Variants in SLC44A5 observed in about 807,000 individuals in gnomAD.
The protein encoded by SLC44A5 is choline transporter-like protein 5.
In SLC44A5, 57 loss-of-function variants were observed where a neutral mutation model predicts 101.8. The ratio of observed to expected loss-of-function variants is 0.56; its 90% CI spans 0.45 to 0.70. The LOEUF (loss-of-function observed/expected upper bound fraction) is 0.70. Ranked by LOEUF, SLC44A5 falls within the 30% of genes least tolerant of loss-of-function variation. SLC44A5 has a pLI of 0.00. For synonymous variants in SLC44A5, 281 were observed against 290.9 expected (o/e 0.97, Z 0.35); for missense variants, 737 against 853.1 (o/e 0.86, Z 1.70).
chr1:75,377,092 G>T (rs1177183659), intron 3 of SLC44A5, among the ~76,000 whole-genome samples: 1 of 152,080 alleles, frequency 6.6e-6, no homozygotes, highest in Non-Finnish European at 1.5e-5. Flanking sequence ...GGAATGTGGG[G>T]AAAAGCAAGA....
At chr1:75,709,300 T>C in the SLC44A5 span, among the ~76,000 whole-genome samples, 2,947 of 152,324 alleles carry the variant, frequency 0.019, 89 homozygotes, top group African/African-American at 0.067. Flanking sequence ...CTTAGAAATC[T>C]ATTTTAATTT....
intron 2 of SLC44A5, among the ~76,000 whole-genome samples, chr1:75,524,957 A>G (rs995143806): frequency 6.6e-6 from 1 of 152,164 alleles, no homozygotes; most frequent in Non-Finnish European, 1.5e-5. Flanking sequence ...TTTTTAAATT[A>G]TAAATATATC....
At chr1:75,572,743 A>G (rs1012735534) in intron 1 of SLC44A5, among the ~76,000 whole-genome samples, 1 of 152,180 alleles carries the variant, frequency 6.6e-6, no homozygotes, top group African/African-American at 2.4e-5. Flanking sequence ...TCTGTAGGAA[A>G]ACAGACTATT....
At chr1:75,692,990 G>T in the SLC44A5 span, among the ~76,000 whole-genome samples, 1 of 152,174 alleles carries the variant, frequency 6.6e-6, no homozygotes, top group Non-Finnish European at 1.5e-5. Flanking sequence ...ATATGCAAAG[G>T]AATGATTATA....
At chr1:75,713,291 T>C in the SLC44A5 span, among the ~76,000 whole-genome samples, 24 of 152,304 alleles carry the variant, frequency 1.6e-4, no homozygotes, top group African/African-American at 5.5e-4. Context: ...ATTTCCTATT[T>C]CATTGAGAAA....
chr1:75,668,315 CTTTT>C, the SLC44A5 span, among the ~76,000 whole-genome samples: 3 of 65,088 alleles, frequency 4.6e-5, no homozygotes, highest in African/African-American at 1.2e-4. Context: ...TCCTAGGAGC[CTTTT>C]TTTTTTTTTT....
intron 23 of SLC44A5, chr1:75,204,360 T>C (rs1646714129): frequency 6.6e-6 from 1 of 152,212 alleles, no homozygotes; most frequent in Non-Finnish European, 1.5e-5. Flanking sequence ...TGCTCATTTT[T>C]ATTCTACATA....
chr1:75,549,347 T>C (rs1441479027), intron 1 of SLC44A5, among the ~76,000 whole-genome samples: 1 of 152,138 alleles, frequency 6.6e-6, no homozygotes, highest in African/African-American at 2.4e-5. Context: ...CTCAGACCAA[T>C]TGGCCTGCTC....
At chr1:75,489,045 T>C (rs1668300526) in intron 2 of SLC44A5, among the ~76,000 whole-genome samples, 1 of 152,022 alleles carries the variant, frequency 6.6e-6, no homozygotes, top group South Asian at 2.1e-4. Flanking sequence ...ATAGGGTTTC[T>C]CCATGTTGGT....
chr1:75,598,746 G>C (rs1674798758), intron 1 of SLC44A5, among the ~76,000 whole-genome samples: 1 of 152,116 alleles, frequency 6.6e-6, no homozygotes. Context: ...GACACATAGA[G>C]GGAAACAACA....
chr1:75,391,412 A>G (rs1661779560), intron 3 of SLC44A5, among the ~76,000 whole-genome samples: 1 of 152,242 alleles, frequency 6.6e-6, no homozygotes, highest in Non-Finnish European at 1.5e-5. Context: ...CTAAACAAAA[A>G]GAACAAAGTT....
the SLC44A5 span, among the ~76,000 whole-genome samples, chr1:75,665,937 A>C: frequency 4.6e-5 from 7 of 152,188 alleles, no homozygotes; most frequent in African/African-American, 1.7e-4. Context: ...CATACCAGTC[A>C]GAATGGCTAC....
At chr1:75,696,692 G>A in the SLC44A5 span, among the ~76,000 whole-genome samples, 85 of 152,068 alleles carry the variant, frequency 5.6e-4, no homozygotes, top group African/African-American at 2.0e-3. Flanking sequence ...TCAGGAGATC[G>A]AGACCATCCT....
chr1:75,260,784 C>A (rs2100688486), intron 6 of SLC44A5, among the ~76,000 whole-genome samples: 1 of 152,228 alleles, frequency 6.6e-6, no homozygotes, highest in South Asian at 2.1e-4. Flanking sequence ...GTAAAACACT[C>A]CTCAGCAAAT....
At chr1:75,230,808 G>C (rs1216133759) in intron 12 of SLC44A5, among the ~76,000 whole-genome samples, 1 of 152,074 alleles carries the variant, frequency 6.6e-6, no homozygotes, top group East Asian at 1.9e-4. Context: ...GTAGAGACAG[G>C]GTTTCACCAC....
the SLC44A5 span, among the ~76,000 whole-genome samples, chr1:75,645,296 A>C: frequency 8.0e-4 from 122 of 152,144 alleles, no homozygotes; most frequent in Non-Finnish European, 1.6e-3. Flanking sequence ...CTGTTGTTTC[A>C]TGATTTTTTA....
intron 5 of SLC44A5, among the ~76,000 whole-genome samples, chr1:75,281,803 G>A (rs932414334): frequency 6.6e-5 from 10 of 152,176 alleles, no homozygotes; most frequent in Non-Finnish European, 1.3e-4. Context: ...TGGGTGCACA[G>A]AAGACAAGAA....
At chr1:75,655,770 A>G in the SLC44A5 span, among the ~76,000 whole-genome samples, 1 of 152,210 alleles carries the variant, frequency 6.6e-6, no homozygotes, top group African/African-American at 2.4e-5. Flanking sequence ...ATTCTGAGCC[A>G]CTGTTCCATA....
chr1:75,643,339 T>C, the SLC44A5 span, among the ~76,000 whole-genome samples: 1 of 152,286 alleles, frequency 6.6e-6, no homozygotes, highest in East Asian at 1.9e-4. Context: ...GTTAAACTAA[T>C]TAATTTCATT....
Sources: gnomAD v4.1 joint callset for allele counts (sites outside exome capture counted in the v4.1 genomes callset) on GRCh38, gnomAD v4.1.1 for gene constraint, MANE v1.5 for transcripts, NCBI Gene and HGNC (gene_info 2026-07-23, HGNC 2026-07-21) for gene names.